The following SYT14 variants were observed in gnomAD, a reference collection of about 807,000 sequenced individuals.
SYT14 encodes the protein synaptotagmin-14.
Under a neutral mutation model 74.2 loss-of-function variants are expected in SYT14, and 32 were observed. The ratio of observed to expected loss-of-function variants is 0.43; its 90% CI spans 0.33 to 0.58. The LOEUF is 0.58. SYT14 is among the 20% of genes least tolerant of loss of function. The pLI, the probability that SYT14 is intolerant of heterozygous loss-of-function variation, is 0.05. For missense variants in SYT14, 791 were observed against 981.8 expected, an observed-to-expected ratio of 0.81 and a Z score of 2.60; for synonymous variants, 298 against 337.7, an observed-to-expected ratio of 0.88 and a Z score of 1.29.
chr1:210,097,485 T>C (rs1167051421), intron 6 of SYT14, among the ~76,000 whole-genome samples: 1 of 152,076 alleles, frequency 6.6e-6, no homozygotes, highest in Non-Finnish European at 1.5e-5. Flanking sequence ...CCTTTCAACA[T>C]TGGGTTTCAT....
intron 2 of SYT14, among the ~76,000 whole-genome samples, chr1:209,977,509 T>A (rs1387607421): frequency 1.3e-5 from 2 of 151,720 alleles, no homozygotes; most frequent in Admixed American, 1.3e-4. Context: ...AAAATTCTTT[T>A]CTTTAAGAAT....
intron 7 of SYT14, among the ~76,000 whole-genome samples, chr1:210,132,575 G>C (rs1023652464): frequency 6.7e-6 from 1 of 149,808 alleles, no homozygotes; most frequent in African/African-American, 2.5e-5. Context: ...TATTGTGTGT[G>C]TGTGTGTGTG....
intron 5 of SYT14, among the ~76,000 whole-genome samples, chr1:210,033,424 C>T (rs571660153): frequency 6.6e-6 from 1 of 151,776 alleles, no homozygotes; most frequent in East Asian, 1.9e-4. Context: ...TCTAAGCAGT[C>T]TTCATGTGGA....
intron 5 of SYT14, among the ~76,000 whole-genome samples, chr1:210,035,600 G>A (rs774511107): frequency 3.3e-5 from 5 of 151,800 alleles, no homozygotes; most frequent in Non-Finnish European, 7.4e-5. Flanking sequence ...TATGTCATGA[G>A]GGATAGGGGT....
At chr1:209,983,334 A>G (rs2079520643) in intron 2 of SYT14, among the ~76,000 whole-genome samples, 1 of 151,982 alleles carries the variant, frequency 6.6e-6, no homozygotes, top group African/African-American at 2.4e-5. Flanking sequence ...TTCTCCTATG[A>G]TACATGTGTT....
At chr1:210,146,975 GA>G (rs1213984880) in intron 7 of SYT14, among the ~76,000 whole-genome samples, 1 of 151,678 alleles carries the variant, frequency 6.6e-6, no homozygotes, top group African/African-American at 2.4e-5. Flanking sequence ...AATTCCCACA[GA>G]AAAAAATAAT....
In SYT14 at chr1:210,103,506, C is replaced by G. The variant is rs548589780; in HGVS notation, c.2034+3045C>G. ...CGGAGCTTGCAGTGAGCTGAGATCA[C>G]GCCACTGCACTCCAGCCTGGATGAC... On this transcript the variant is annotated intron_variant, in intron 7 of 9. Coordinates refer to ENST00000637265, the Ensembl canonical transcript of SYT14. Among the ~76,000 whole-genome samples, 10 of 143,834 alleles carry G rather than the reference C, an allele frequency of 7.0e-5. 2 individuals are homozygous for G. In the South Asian group the frequency reaches 2.2e-3, roughly 32 times the overall value. The allele number at this position is 143,834 out of a possible 152,430, so 94.4% of individuals were successfully genotyped here.
chr1:209,970,188 A>T (rs114503481), intron 2 of SYT14, among the ~76,000 whole-genome samples: 10 of 152,132 alleles, frequency 6.6e-5, no homozygotes, highest in Non-Finnish European at 1.5e-4. Context: ...TAGAATTTTT[A>T]TAGCTTCAGA....
At chr1:210,164,028 A>G (rs538805052) in exon 10 of SYT14, 22 of 453,580 alleles carry the variant, frequency 4.9e-5, no homozygotes, top group East Asian at 6.9e-5. Context: ...TAAACCTGGA[A>G]TTATGGGGTT....
intron 7 of SYT14, among the ~76,000 whole-genome samples, chr1:210,108,222 A>G (rs2082194723): frequency 6.6e-6 from 1 of 152,198 alleles, no homozygotes; most frequent in South Asian, 2.1e-4. Flanking sequence ...TTGGGTGAGA[A>G]GAGATCTTCA....
chr1:210,139,269 T>C lies in SYT14; in HGVS notation c.2035-16452T>C, dbSNP rs540266093. On this transcript the variant is annotated intron_variant, in intron 7 of 9. Transcript: ENST00000637265. ...GCCTGGCTAATTTTCTTTTTTCTTT[T>C]TTTTTTTTTTTTTTTTTTGATTTTT... Among the ~76,000 whole-genome samples, 269 of 131,780 alleles carry C rather than the reference T, an allele frequency of 2.0e-3. 1 individual carries two copies. The highest frequency in any genetic ancestry group is 6.1e-3 in the African/African-American group (238 of 38,900). 86.5% of individuals were successfully genotyped at this position (131,780 alleles called of 152,430 possible). A position where few individuals can be genotyped will look rare whatever the true frequency, so the allele number is the denominator to read the frequency against.
intron 7 of SYT14, among the ~76,000 whole-genome samples, chr1:210,122,832 T>C (rs1034105607): frequency 1.3e-5 from 2 of 152,234 alleles, no homozygotes; most frequent in Non-Finnish European, 2.9e-5. Context: ...ATCTGTATAT[T>C]CACCTTATGA....
At chr1:210,144,105 A>G (rs1317333385) in intron 7 of SYT14, among the ~76,000 whole-genome samples, 1 of 152,172 alleles carries the variant, frequency 6.6e-6, no homozygotes, top group Non-Finnish European at 1.5e-5. Flanking sequence ...ATTGCTGCTA[A>G]TACGTTTTCA....
chr1:210,051,240 A>G (rs1341730446), intron 5 of SYT14, among the ~76,000 whole-genome samples: 1 of 152,238 alleles, frequency 6.6e-6, no homozygotes, highest in African/African-American at 2.4e-5. Context: ...TAATAAATCT[A>G]TTACATAAAA....
intron 2 of SYT14, among the ~76,000 whole-genome samples, chr1:209,967,168 T>G (rs1274541591): frequency 6.6e-6 from 1 of 152,182 alleles, no homozygotes; most frequent in Non-Finnish European, 1.5e-5. Flanking sequence ...TAAATTCCAC[T>G]TGTTCATGAT....
chr1:210,164,180 CAATCCA>C, exon 10 of SYT14: 1 of 372,500 alleles, frequency 2.7e-6, no homozygotes, highest in South Asian at 2.1e-5. Context: ...GTCTTCAGTA[CAATCCA>C]CTTTTGTTTG....
intron 2 of SYT14, among the ~76,000 whole-genome samples, chr1:209,968,809 A>G (rs2102742833): frequency 6.6e-6 from 1 of 151,032 alleles, no homozygotes; most frequent in Non-Finnish European, 1.5e-5. Flanking sequence ...ATTTTGTGTG[A>G]TGGTGAGGTT....
At chr1:210,160,803 G>T (rs1485948974) in exon 10 of SYT14, 13 of 1,613,860 alleles carry the variant, frequency 8.1e-6, no homozygotes, top group Non-Finnish European at 1.1e-5. Context: ...CATCCGCAGA[G>T]GGCAGCCAAA....
intron 4 of SYT14, among the ~76,000 whole-genome samples, chr1:210,020,096 T>C (rs1475344676): frequency 6.6e-6 from 1 of 152,186 alleles, no homozygotes; most frequent in Non-Finnish European, 1.5e-5. Context: ...ATATGCCACA[T>C]GTGTGTGTAT....
Sources: gnomAD v4.1 joint callset for allele counts (sites outside exome capture counted in the v4.1 genomes callset) on GRCh38, gnomAD v4.1.1 for gene constraint, MANE v1.5 for transcripts, NCBI Gene and HGNC (gene_info 2026-07-23, HGNC 2026-07-21) for gene names.